The following INPP4B variants were observed in gnomAD, a reference collection of about 807,000 sequenced individuals.
The protein encoded by INPP4B is inositol polyphosphate 4-phosphatase type II.
A neutral mutation model predicts 122.5 loss-of-function variants in INPP4B; 55 were observed. The observed-to-expected ratio is 0.45, with a 90% CI of 0.36 to 0.56. The LOEUF (loss-of-function observed/expected upper bound fraction) is 0.56. Among genes scored for constraint, INPP4B ranks in the 20% least tolerant of loss-of-function variants. The probability of loss-of-function intolerance (pLI) is 0.00; values close to 1 mark genes in which losing one functional copy is unlikely to be tolerated. For missense variants in INPP4B, 1,000 were observed against 1,097.7 expected (o/e 0.91, Z 1.26); for synonymous variants, 403 against 388.7 (o/e 1.04, Z -0.43).
chr4:142,468,446 T>C (rs961491425), intron 2 of INPP4B, among the ~76,000 whole-genome samples: 1 of 152,150 alleles, frequency 6.6e-6, no homozygotes, highest in African/African-American at 2.4e-5. Flanking sequence ...GCTGCTATGA[T>C]TCGGACGTTA....
Position 142,024,329 on chromosome 4 carries a change from C to T in INPP4B, c.*4453G>A, listed in dbSNP as rs1259544024. 6.6e-6 allele frequency: 1 copy of T among 152,072 alleles called. No individual in the cohort carries two copies. The highest frequency in any genetic ancestry group is 6.6e-5 in the Admixed American group (1 of 15,260). The allele number at this position is 152,072 out of a possible 1,614,324, so 9.4% of individuals were successfully genotyped here. ...AAAGCATAGCTTATGTAGATTGCTG[C>T]TGGGTTAAATGAATATGAATTCACA... is the stretch of plus-strand genomic sequence containing the variant. On this transcript the variant is annotated 3_prime_UTR_variant, in exon 26 of 26. Transcript: ENST00000262992.
At chr4:142,716,110 C>T (rs1284102113) in intron 2 of INPP4B, among the ~76,000 whole-genome samples, 1 of 152,150 alleles carries the variant, frequency 6.6e-6, no homozygotes, top group Admixed American at 6.6e-5. Flanking sequence ...GTGCTTAACA[C>T]AGCAGACACA....
At chr4:142,494,123 T>C (rs534145212) in intron 2 of INPP4B, among the ~76,000 whole-genome samples, 24 of 152,276 alleles carry the variant, frequency 1.6e-4, no homozygotes, top group African/African-American at 5.3e-4. Flanking sequence ...TCCACCATGA[T>C]TGTAAGTTTC....
chr4:142,098,283 T>A (rs1035566403), intron 23 of INPP4B, among the ~76,000 whole-genome samples: 2 of 151,602 alleles, frequency 1.3e-5, no homozygotes, highest in African/African-American at 4.9e-5. Context: ...ATCAAAGGGG[T>A]TGACTGTATG....
chr4:142,340,389 A>C (rs1778257089), intron 7 of INPP4B, among the ~76,000 whole-genome samples: 1 of 120,522 alleles, frequency 8.3e-6, no homozygotes, highest in African/African-American at 2.9e-5. Context: ...ATGCCATATA[A>C]CGTACTTCTT....
At chr4:142,093,849 C>T (rs3822138) in intron 23 of INPP4B, among the ~76,000 whole-genome samples, 39,141 of 151,960 alleles carry the variant, frequency 0.26, 5,116 homozygotes, top group East Asian at 0.3. Flanking sequence ...ACTTTCAGTG[C>T]CTTGTCTTAA....
At chr4:142,712,126 G>A (rs568701526) in intron 2 of INPP4B, among the ~76,000 whole-genome samples, 31 of 152,138 alleles carry the variant, frequency 2.0e-4, no homozygotes, top group Non-Finnish European at 3.1e-4. Context: ...ATGTGAGGAC[G>A]TAGCAAGGGA....
chr4:142,140,930 C>T lies in INPP4B; in HGVS notation c.1720+4910G>A, dbSNP rs1579053378. Among the ~76,000 whole-genome samples the T allele has an allele frequency of 2.0e-5, 3 of 152,180 alleles. No homozygotes were observed. The East Asian group carries it at 5.8e-4, about 29-fold the overall frequency. On this transcript the variant is annotated intron_variant, in intron 18 of 25. Transcript: ENST00000262992. ...GTAGGGAGGTGGTCCTCCTGGGTTACTCTGCAGCTATTAACTGTATTTGTA... is the reference window on the plus strand; with the variant it reads ...GTAGGGAGGTGGTCCTCCTGGGTTATTCTGCAGCTATTAACTGTATTTGTA...
At chr4:142,791,024 CT>C (rs1776484312) in intron 1 of INPP4B, among the ~76,000 whole-genome samples, 1 of 152,016 alleles carries the variant, frequency 6.6e-6, no homozygotes, top group South Asian at 2.1e-4. Context: ...TACCTAGCAT[CT>C]ATATAAAACA....
chr4:142,065,912 T>C (rs753058534), intron 25 of INPP4B, among the ~76,000 whole-genome samples: 1 of 152,166 alleles, frequency 6.6e-6, no homozygotes, highest in Non-Finnish European at 1.5e-5. Flanking sequence ...ATGCACTCCC[T>C]GGGTGCACTG....
chr4:142,729,208 T>C (rs1765739340), intron 1 of INPP4B, among the ~76,000 whole-genome samples: 1 of 152,182 alleles, frequency 6.6e-6, no homozygotes, highest in Admixed American at 6.5e-5. Context: ...TAATGCTTGC[T>C]TGTCCACCAC....
intron 1 of INPP4B, among the ~76,000 whole-genome samples, chr4:142,800,414 T>C (rs1777854922): frequency 1.3e-5 from 2 of 152,160 alleles, no homozygotes; most frequent in African/African-American, 4.8e-5. Flanking sequence ...GAATTTGCTT[T>C]AACAAATCAT....
chr4:142,842,710 ATAATATAT>A (rs1391042763), intron 1 of INPP4B, among the ~76,000 whole-genome samples: 4 of 132,644 alleles, frequency 3.0e-5, no homozygotes, highest in South Asian at 2.1e-4. Flanking sequence ...ATATATAAAT[ATAATATAT>A]TAATATATTA....
chr4:142,424,155 T>C (rs992770680), intron 5 of INPP4B, among the ~76,000 whole-genome samples: 10 of 152,150 alleles, frequency 6.6e-5, no homozygotes, highest in African/African-American at 2.4e-4. Context: ...TCAGTCTTCC[T>C]TAGTTAGCCT....
chr4:142,054,040 C>A (rs1254791716), intron 25 of INPP4B, among the ~76,000 whole-genome samples: 1 of 134,256 alleles, frequency 7.4e-6, no homozygotes, highest in Admixed American at 7.4e-5. Context: ...TCTAATCGAC[C>A]CTCACCTTCA....
At chr4:142,381,782 C>A (rs1554045768) in intron 7 of INPP4B, among the ~76,000 whole-genome samples, 1 of 151,984 alleles carries the variant, frequency 6.6e-6, no homozygotes, top group Non-Finnish European at 1.5e-5. Context: ...TTTACCTGCA[C>A]TTTTTTTCTT....
At chr4:142,788,849 T>G (rs1240677979) in intron 1 of INPP4B, among the ~76,000 whole-genome samples, 3 of 152,056 alleles carry the variant, frequency 2.0e-5, no homozygotes, top group African/African-American at 7.2e-5. Flanking sequence ...TACCACAGTT[T>G]CTTTATCCAA....
chr4:142,550,225 G>A (rs758673591), intron 2 of INPP4B, among the ~76,000 whole-genome samples: 3 of 152,062 alleles, frequency 2.0e-5, no homozygotes, highest in Non-Finnish European at 4.4e-5. Flanking sequence ...CTATGTGGTG[G>A]GCACAGGAGA....
At position 142,532,550 on chromosome 4, in the gene INPP4B, T is replaced by C. The variant is rs539629102; in HGVS notation, c.-190-69824A>G. 4.6e-5 allele frequency among the ~76,000 whole-genome samples: 7 copies of C among 152,288 alleles called. No individual in the cohort carries two copies. In the South Asian group the frequency reaches 1.5e-3, roughly 32 times the overall value. ...ACTTTCAACCAATCTGTGTGATTAT[T>C]TGAGTAATGGCTGCCTCCCTCACTA... On this transcript the variant is annotated intron_variant, in intron 2 of 25. Coordinates refer to ENST00000262992, the MANE Select transcript of INPP4B (RefSeq NM_001101669.3).
Sources: allele counts gnomAD v4.1 joint callset (sites outside exome capture counted in the v4.1 genomes callset), GRCh38; gene constraint gnomAD v4.1.1; transcripts MANE v1.5; gene names NCBI Gene and HGNC (gene_info 2026-07-23, HGNC 2026-07-21).